The following PCDHB1 variants were observed in gnomAD, a reference collection of about 807,000 sequenced individuals.
PCDHB1 encodes the protein protocadherin beta-1.
In PCDHB1, 44 loss-of-function variants were observed where a neutral mutation model predicts 43.5. The ratio of observed to expected loss-of-function variants is 1.01; its 90% confidence interval spans 0.79 to 1.30. The LOEUF is 1.30. Among genes scored for constraint, PCDHB1 ranks in the 50% most tolerant of loss-of-function variants. PCDHB1 has a pLI of 0.00. For missense variants in PCDHB1, 919 were observed against 1,008.9 expected (o/e 0.91, Z 1.21); for synonymous variants, 392 against 400.8 (o/e 0.98, Z 0.26).
chr5:141,051,713 G>GGGA lies in PCDHB1; in HGVS notation c.245_247dup (p.Gly82dup). 6 of 1,614,232 alleles carry GGGA rather than the reference G, an allele frequency of 3.7e-6. No individual in the cohort carries two copies. The highest frequency in any genetic ancestry group is 4.2e-6 in the Non-Finnish European group (5 of 1,180,042). ...TGCATTTCCGGCTCCACCGCAAGAC[G>GGGA]GGAGATTTGTTTGTGAAGGAGAAAC... On this transcript the variant is annotated inframe_insertion, in exon 1 of 1. Transcript: ENST00000306549.
Position 141,058,358 on chromosome 5 carries a change from T to G in PCDHB1, c.*4431T>G, listed in dbSNP as rs1017459738. On this transcript the variant is annotated 3_prime_UTR_variant, in exon 1 of 1. Transcript: ENST00000306549. Reference sequence around the variant, plus strand: ...ATGCCCCTCAGTTTGGGATTCTTTGTTTTCTCATTATTAAACTGAGGTAAT... The same window carrying G: ...ATGCCCCTCAGTTTGGGATTCTTTGGTTTCTCATTATTAAACTGAGGTAAT... 1 of 152,212 alleles carries G rather than the reference T, an allele frequency of 6.6e-6. No individual in the cohort carries two copies. Among genetic ancestry groups the G allele is most frequent in the African/African-American group, 2.4e-5 (1 of 41,456 alleles). The allele number at this position is 152,212 out of a possible 1,614,324, so 9.4% of individuals were successfully genotyped here.
rs782642176 is a variant in PCDHB1, at chr5:141,053,011, T to C, written c.1541T>C (p.Leu514Pro). The change falls in exon 1 of 1, where the codon CTC becomes CCC. Residue 514 changes from leucine to proline, a missense_variant. Leu to Pro is a moderately conservative substitution (Grantham distance 98). Coordinates refer to ENST00000306549, the MANE Select transcript of PCDHB1 (RefSeq NM_013340.4). ...TCCATAAATTCAGGCAATGGGAAGC[T>C]CTACGCGCTGAGAACCATGGATTAT... ...YISINSGNGK[L>P]YALRTMDYEA... 12 of 1,614,202 alleles carry C rather than the reference T, an allele frequency of 7.4e-6. No homozygotes were observed. The South Asian group carries it at 1.2e-4, about 16-fold the overall frequency.
Position 141,052,231 on chromosome 5 carries a change from A to G in PCDHB1, c.761A>G (p.Asn254Ser), listed in dbSNP as rs1554267203. Residue 254 changes from asparagine to serine, a missense_variant, in exon 1 of 1, where the codon AAC becomes AGC. Asn to Ser is a conservative substitution (Grantham distance 46, BLOSUM62 1). Transcript: ENST00000306549. ...RLVYRAQVSENSPNGSLVATV... is the reference protein window; with the variant it reads ...RLVYRAQVSESSPNGSLVATV... ...GTGTACAGAGCCCAGGTATCAGAGA[A>G]CAGCCCCAATGGCTCTTTGGTGGCC... 5 of 1,614,160 alleles carry G rather than the reference A, an allele frequency of 3.1e-6. No individual in the cohort carries two copies. In the East Asian group the frequency reaches 8.9e-5, roughly 29 times the overall value.
rs1332074405 is a variant in PCDHB1, at chr5:141,052,540, C to G, written c.1070C>G (p.Pro357Arg). ...VMVSSVSSPLPEDSPPQTVVA... is the reference protein window; with the variant it reads ...VMVSSVSSPLREDSPPQTVVA... ...GTCTCCTCTGTGTCCAGCCCACTCC[C>G]TGAAGACTCACCACCACAGACAGTA... The change falls in exon 1 of 1, where the codon CCT becomes CGT. Residue 357 changes from proline (P) to arginine (R), a missense_variant. Coordinates refer to ENST00000306549, the MANE Select transcript of PCDHB1 (RefSeq NM_013340.4). 7 of 1,614,066 alleles carry G rather than the reference C, an allele frequency of 4.3e-6. No individual in the cohort carries two copies. The highest frequency in any genetic ancestry group is 2.7e-5 in the African/African-American group (2 of 74,912).
Position 141,053,486 on chromosome 5 carries a change from G to A in PCDHB1, c.2016G>A (p.Leu672=). 6.2e-7 allele frequency: 1 copy of A among 1,614,124 alleles called. No individual in the cohort carries two copies. Among genetic ancestry groups the A allele is most frequent in the Non-Finnish European group, 8.5e-7 (1 of 1,179,992 alleles). ...LLVDGFSEPY[L]QFQDPTKHSR... ...TAGATGGCTTTTCAGAGCCCTACCTGCAGTTCCAGGATCCAACCAAGCATT... is the reference window on the plus strand; with the variant it reads ...TAGATGGCTTTTCAGAGCCCTACCTACAGTTCCAGGATCCAACCAAGCATT... The change falls in exon 1 of 1, where the codon CTG becomes CTA. Residue 672 remains leucine (L), a synonymous_variant. Transcript: ENST00000306549.
rs782391922 is a variant in PCDHB1, at chr5:141,052,007, C to T, written c.537C>T (p.His179=). 2.8e-5 allele frequency: 45 copies of T among 1,614,160 alleles called. No homozygotes were observed. In the Middle Eastern group the frequency reaches 8.2e-4, roughly 30 times the overall value. The part of the protein sequence containing the change: ...NYTLSANGYF[H]LHTRFCSHGP... Reference sequence around the variant, plus strand: ...CCCTGAGTGCCAATGGGTATTTCCACCTGCACACCCGCTTCTGCAGCCACG... The same window carrying T: ...CCCTGAGTGCCAATGGGTATTTCCATCTGCACACCCGCTTCTGCAGCCACG... The change falls in exon 1 of 1, where the codon CAC becomes CAT. Residue 179 remains histidine (H), a synonymous_variant. Transcript: ENST00000306549.
At position 141,052,041 on chromosome 5, in the gene PCDHB1, T is replaced by A. The variant is rs1563791136; in HGVS notation, c.571T>A (p.Tyr191Asn). 1 of 1,614,108 alleles carries A rather than the reference T, an allele frequency of 6.2e-7. No homozygotes were observed. The highest frequency in any genetic ancestry group is 1.7e-5 in the Admixed American group (1 of 60,026). Residue 191 changes from tyrosine (Y) to asparagine (N), a missense_variant, in exon 1 of 1, where the codon TAT becomes AAT. Tyr to Asn is a moderately radical substitution (Grantham distance 143, BLOSUM62 -2). Transcript: ENST00000306549. ...CCGCTTCTGCAGCCACGGGCCTAAATATGCTGAGCTGGTGCTGAACAAACC... is the reference window on the plus strand; with the variant it reads ...CCGCTTCTGCAGCCACGGGCCTAAAAATGCTGAGCTGGTGCTGAACAAACC... The part of the protein sequence containing the change: ...HTRFCSHGPK[Y>N]AELVLNKPLD...
Position 141,052,128 on chromosome 5 carries a change from C to T in PCDHB1, c.658C>T (p.Pro220Ser). 2 of 1,612,914 alleles carry T rather than the reference C, an allele frequency of 1.2e-6. No individual in the cohort carries two copies. The highest frequency in any genetic ancestry group is 1.7e-6 in the Non-Finnish European group (2 of 1,179,554). The change falls in exon 1 of 1, where the codon CCG (proline) becomes TCG (serine). Residue 220 changes from proline to serine, a missense_variant. Transcript: ENST00000306549. ...LTITAVDGGS[P>S]PKSGTAHIHV... is the part of the protein sequence containing the mutation. Reference sequence around the variant, plus strand: ...AATTACGGCGGTGGACGGCGGGTCCCCGCCTAAGTCTGGCACAGCTCACAT... The same window carrying T: ...AATTACGGCGGTGGACGGCGGGTCCTCGCCTAAGTCTGGCACAGCTCACAT...
chr5:141,051,564 C>T lies in PCDHB1; in HGVS notation c.94C>T (p.Arg32Cys). 6 of 1,614,228 alleles carry T rather than the reference C, an allele frequency of 3.7e-6. No homozygotes were observed. Among genetic ancestry groups the T allele is most frequent in the Admixed American group, 1.7e-5 (1 of 60,026 alleles). ...CISVGDATTI[R>C]YSVAEEMESG... The stretch of plus-strand genomic sequence containing the variant: ...ATCTGTGGGGGATGCGACAACTATC[C>T]GCTATTCAGTGGCAGAGGAAATGGA... Residue 32 changes from arginine (R) to cysteine (C), a missense_variant, in exon 1 of 1, where the codon CGC becomes TGC. Transcript: ENST00000306549.
In PCDHB1 at chr5:141,053,743, G is replaced by A; in HGVS notation, c.2273G>A (p.Cys758Tyr). The change falls in exon 1 of 1, where the codon TGT becomes TAT. Residue 758 changes from cysteine to tyrosine, a missense_variant. Transcript: ENST00000306549. ...SLSRPCPYEMCSATGTGNSEF... is the reference protein window; with the variant it reads ...SLSRPCPYEMYSATGTGNSEF... ...TCTCGGCCTTGTCCATATGAAATGT[G>A]TTCAGCCACTGGCACTGGTAATAGT... The A allele has an allele frequency of 6.2e-7, 1 of 1,614,208 alleles. No homozygotes were observed. Among genetic ancestry groups the A allele is most frequent in the Non-Finnish European group, 8.5e-7 (1 of 1,180,032 alleles).
rs781850814 is a variant in PCDHB1 at position 141,054,140 on chromosome 5, C to T, written c.*213C>T. On this transcript the variant is annotated 3_prime_UTR_variant, in exon 1 of 1. Transcript: ENST00000306549. ...TGATCCCCAGATCATATATCTATAA[C>T]CCTTTCTCCAGTTGGAATTCTGTTT... 5 of 482,582 alleles carry T rather than the reference C, an allele frequency of 1.0e-5. No homozygotes were observed. The highest frequency in any genetic ancestry group is 1.8e-5 in the Non-Finnish European group (5 of 273,714). The allele number at this position is 482,582 out of a possible 1,614,324, so 29.9% of individuals were successfully genotyped here.
Position 141,054,862 on chromosome 5 carries a change from T to C in PCDHB1, c.*935T>C, listed in dbSNP as rs1554267707. The C allele has an allele frequency of 6.6e-6, 1 of 152,144 alleles. No individual in the cohort carries two copies. The highest frequency in any genetic ancestry group is 1.5e-5 in the Non-Finnish European group (1 of 68,184). The allele number at this position is 152,144 out of a possible 1,614,324, so 9.4% of individuals were successfully genotyped here. ...GCATGCGCCACCATGCCCAGCTAAT[T>C]TTTTGGTATTTTTAGTAGAGACGGG... On this transcript the variant is annotated 3_prime_UTR_variant, in exon 1 of 1. Transcript: ENST00000306549.
rs1554267578 is a variant in PCDHB1 at position 141,054,031 on chromosome 5, T to G, written c.*104T>G. The stretch of plus-strand genomic sequence containing the variant: ...ACAAAAACTGGTAGTAGATTGCAGC[T>G]TTAGTAAAGATAAGAGTACTTAGTT... On this transcript the variant is annotated 3_prime_UTR_variant, in exon 1 of 1. Coordinates refer to ENST00000306549, the MANE Select transcript of PCDHB1 (RefSeq NM_013340.4). 1 of 933,410 alleles carries G rather than the reference T, an allele frequency of 1.1e-6. No individual in the cohort carries two copies. Among genetic ancestry groups the G allele is most frequent in the Non-Finnish European group, 1.6e-6 (1 of 624,320 alleles). 57.8% of individuals were successfully genotyped at this position (933,410 alleles called of 1,614,324 possible). A position where few individuals can be genotyped will look rare whatever the true frequency, so the allele number is the denominator to read the frequency against.
chr5:141,051,624 C>T lies in PCDHB1; in HGVS notation c.154C>T (p.Leu52=). Residue 52 remains leucine, a synonymous_variant, in exon 1 of 1, where the codon CTA becomes TTA. Coordinates refer to ENST00000306549, the MANE Select transcript of PCDHB1 (RefSeq NM_013340.4). ...GSFVANVAKD[L]GLEVGKLAAR... is the part of the protein sequence containing the mutation. ...GTTTGTGGCCAACGTAGCTAAGGAC[C>T]TAGGACTGGAGGTAGGGAAGCTGGC... is the stretch of plus-strand genomic sequence containing the variant. The T allele has an allele frequency of 6.2e-7, 1 of 1,614,238 alleles. No homozygotes were observed. Among genetic ancestry groups the T allele is most frequent in the South Asian group, 1.1e-5 (1 of 91,078 alleles).
Position 141,052,437 on chromosome 5 carries a change from G to C in PCDHB1, c.967G>C (p.Asp323His), listed in dbSNP as rs781938927. Residue 323 changes from aspartate (D) to histidine (H), a missense_variant, in exon 1 of 1, where the codon GAT becomes CAT. Coordinates refer to ENST00000306549, the MANE Select transcript of PCDHB1 (RefSeq NM_013340.4). ...ATACGACATTGACATTCAAGCTACA[G>C]ATGGTGGAGGCCTCTCTGCCCACAG... is the stretch of plus-strand genomic sequence containing the variant. The part of the protein sequence containing the change: ...ETYDIDIQAT[D>H]GGGLSAHSKV... 1 of 1,614,240 alleles carries C rather than the reference G, an allele frequency of 6.2e-7. No homozygotes were observed. Among genetic ancestry groups the C allele is most frequent in the South Asian group, 1.1e-5 (1 of 91,086 alleles).
At position 141,053,512 on chromosome 5, in the gene PCDHB1, C is replaced by T; in HGVS notation, c.2042C>T (p.Ser681Phe). The change falls in exon 1 of 1, where the codon TCT (serine) becomes TTT (phenylalanine). Residue 681 changes from serine (S) to phenylalanine (F), a missense_variant. Ser to Phe is a radical substitution (Grantham distance 155). Transcript: ENST00000306549. ...YLQFQDPTKH[S>F]RKVNPSTKYL... Reference sequence around the variant, plus strand: ...CAGTTCCAGGATCCAACCAAGCATTCTAGAAAGGTAAATCCATCCACTAAA... The same window carrying T: ...CAGTTCCAGGATCCAACCAAGCATTTTAGAAAGGTAAATCCATCCACTAAA... 1 of 1,614,180 alleles carries T rather than the reference C, an allele frequency of 6.2e-7. No homozygotes were observed. The highest frequency in any genetic ancestry group is 1.1e-5 in the South Asian group (1 of 91,080).
In PCDHB1 at chr5:141,053,899, A is replaced by G. The variant is rs1554267567; in HGVS notation, c.2429A>G (p.His810Arg). The G allele has an allele frequency of 6.2e-7, 1 of 1,614,038 alleles. No homozygotes were observed. The highest frequency in any genetic ancestry group is 8.5e-7 in the Non-Finnish European group (1 of 1,179,920). The change falls in exon 1 of 1, where the codon CAT becomes CGT. Residue 810 changes from histidine to arginine, a missense_variant. Physicochemically the swap from His to Arg is conservative, Grantham distance 29. Transcript: ENST00000306549. ...DRNKSQRLEG[H>R]DQVSDDYM ...AATAAGTCTCAGAGATTAGAGGGCC[A>G]TGACCAGGTATCTGATGACTATATG...
In PCDHB1 at chr5:141,051,835, G is replaced by C; in HGVS notation, c.365G>C (p.Arg122Thr). The C allele has an allele frequency of 1.2e-6, 2 of 1,614,202 alleles. No individual in the cohort carries two copies. The highest frequency in any genetic ancestry group is 1.7e-6 in the Non-Finnish European group (2 of 1,180,036). Residue 122 changes from arginine (R) to threonine (T), a missense_variant, in exon 1 of 1, where the codon AGG becomes ACG. Physicochemically the swap from Arg to Thr is moderately conservative, Grantham distance 71. Transcript: ENST00000306549. ...EPLQSFRAEV[R>T]VFDINDNAPV... is the part of the protein sequence containing the mutation. The stretch of plus-strand genomic sequence containing the variant: ...CTGCAGTCCTTCCGGGCCGAGGTCA[G>C]GGTATTTGATATCAATGACAATGCC...
At position 141,057,064 on chromosome 5, in the gene PCDHB1, A is replaced by T. The variant is rs1751147926; in HGVS notation, c.*3137A>T. 1 of 152,242 alleles carries T rather than the reference A, an allele frequency of 6.6e-6. No individual in the cohort carries two copies. Among genetic ancestry groups the T allele is most frequent in the South Asian group, 2.1e-4 (1 of 4,828 alleles). The allele number at this position is 152,242 out of a possible 1,614,324, so 9.4% of individuals were successfully genotyped here. A position where few individuals can be genotyped will look rare whatever the true frequency, so the allele number is the denominator to read the frequency against. On this transcript the variant is annotated 3_prime_UTR_variant, in exon 1 of 1. Transcript: ENST00000306549. ...CAAGGATAGGAAAAGAAAATGGTGT[A>T]GATTCATGATTTTAAGACTTTGATA...
Sources: gnomAD v4.1 joint callset for allele counts on GRCh38, gnomAD v4.1.1 for gene constraint, MANE v1.5 for transcripts, NCBI Gene and HGNC (gene_info 2026-07-23, HGNC 2026-07-21) for gene names.